The following PHACTR2 variants were observed in gnomAD, a reference collection of about 807,000 sequenced individuals.
The protein encoded by PHACTR2 is chromosome 6 open reading frame 56.
In PHACTR2, 30 loss-of-function variants were observed where a neutral mutation model predicts 76.0. The ratio of observed to expected loss-of-function variants is 0.39; its 90% CI spans 0.30 to 0.54. The LOEUF is 0.54. PHACTR2 is among the 20% of genes least tolerant of loss of function. The pLI, the probability that PHACTR2 is intolerant of heterozygous loss-of-function variation, is 0.61. For synonymous variants in PHACTR2, 292 were observed against 292.5 expected (o/e 1.00, Z 0.02); for missense variants, 696 against 781.1 (o/e 0.89, Z 1.30).
Position 143,811,780 on chromosome 6 carries a change from G to T in PHACTR2, c.1922+4647G>T, listed in dbSNP as rs181779442. On this transcript the variant is annotated intron_variant, in intron 12 of 12. Transcript: ENST00000440869. This position sits in a 1 kb window ranked among gnomAD's most constrained non-coding sequence, Gnocchi z 4.1. Reference sequence around the variant, plus strand: ...GCTTATGATTTTCAAGCTGTTTTCAGTAATTCTTTTAAGGGGAAAAAGTTC... The same window carrying T: ...GCTTATGATTTTCAAGCTGTTTTCATTAATTCTTTTAAGGGGAAAAAGTTC... Among the ~76,000 whole-genome samples, 7 of 152,030 alleles carry T rather than the reference G, an allele frequency of 4.6e-5. No individual in the cohort carries two copies. Among genetic ancestry groups the T allele is most frequent in the Admixed American group, 1.3e-4 (2 of 15,270 alleles).
rs1775913301 is a variant in PHACTR2 at position 143,608,292 on chromosome 6, CCTCGCCA to C, written c.-14_-8del. 2 of 1,614,064 alleles carry C rather than the reference CCTCGCCA, an allele frequency of 1.2e-6. No individual in the cohort carries two copies. The highest frequency in any genetic ancestry group is 1.7e-6 in the Non-Finnish European group (2 of 1,179,942). On this transcript the variant is annotated 5_prime_UTR_variant, in exon 1 of 12. Transcript: ENST00000305766. The surrounding 1 kb of genome is among the most constrained non-coding windows in gnomAD (Gnocchi z 4.6). ...CCCGGCTGCCAGGCTACAGAACTCG[CCTCGCCA>C]CTCCTGAGACATGGACAACGCCGGT...
In PHACTR2 at chr6:143,707,176, C is replaced by CA. The variant is rs34547639; in HGVS notation, c.47-4833dup. On this transcript the variant is annotated intron_variant, in intron 1 of 12. Transcript: ENST00000440869. ...AATATTGTAAAAACATAATAAAGCA[C>CA]AAAAAAATAACAAAGCCTGGAAACC... Among the ~76,000 whole-genome samples the CA allele has an allele frequency of 7.2e-5, 11 of 151,846 alleles. No homozygotes were observed. The East Asian group carries it at 1.5e-3, about 21-fold the overall frequency.
In PHACTR2 at chr6:143,548,282, C is replaced by A. The variant is rs1775039148; in HGVS notation, c.217+11075C>A. 6.7e-6 allele frequency among the ~76,000 whole-genome samples: 1 copy of A among 149,900 alleles called. No individual in the cohort carries two copies. The highest frequency in any genetic ancestry group is 1.5e-5 in the Non-Finnish European group (1 of 66,528). ...TCAATACCTCATCTAATCCTTATTA[C>A]CTCCCAAAGACTCCACCTCATAATA... On this transcript the variant is annotated intron_variant, in intron 1 of 11. Transcript: ENST00000367584. The surrounding 1 kb of genome is among the most constrained non-coding windows in gnomAD (Gnocchi z 4.5).
At chr6:143,756,671 C>T (rs1190060643) in intron 4 of PHACTR2, among the ~76,000 whole-genome samples, 1 of 147,304 alleles carries the variant, frequency 6.8e-6, no homozygotes, top group South Asian at 2.1e-4. Context: ...TGCACTCCAG[C>T]CTGGGCGACA....
In PHACTR2 at chr6:143,553,313, CA is replaced by C. The variant is rs1424570282; in HGVS notation, c.217+16108del. Among the ~76,000 whole-genome samples the C allele has an allele frequency of 4.6e-5, 7 of 152,176 alleles. No individual in the cohort carries two copies. The highest frequency in any genetic ancestry group is 8.8e-5 in the Non-Finnish European group (6 of 68,028). On this transcript the variant is annotated intron_variant, in intron 1 of 11. Coordinates refer to the PHACTR2 transcript ENST00000367584. The surrounding 1 kb of genome is among the most constrained non-coding windows in gnomAD (Gnocchi z 4.2). ...CTATTCAGTGTGAACTGAACAACTTCAATTTGTACAGAAGTGACTGTGCATT... is the reference window on the plus strand; with the variant it reads ...CTATTCAGTGTGAACTGAACAACTTCATTTGTACAGAAGTGACTGTGCATT...
intron 1 of PHACTR2, among the ~76,000 whole-genome samples, chr6:143,569,010 A>G (rs1356795614): frequency 6.6e-6 from 1 of 152,116 alleles, no homozygotes; most frequent in Admixed American, 6.6e-5. Flanking sequence ...CTCGATTCCT[A>G]TTCCCAGATA....
At position 143,785,325 on chromosome 6, in the gene PHACTR2, A is replaced by G. The variant is rs1421024353; in HGVS notation, c.1707+2045A>G. Among the ~76,000 whole-genome samples the G allele has an allele frequency of 1.1e-4, 17 of 152,360 alleles. No homozygotes were observed. The East Asian group carries it at 3.1e-3, about 28-fold the overall frequency. On this transcript the variant is annotated intron_variant, in intron 10 of 12. Transcript: ENST00000440869. ...AGCCAAATTTTAAAGGTCCAAAATT[A>G]TCTCCTTTGAATCCAGGTCTCACAT...
chr6:143,608,431 T>A lies in PHACTR2; in HGVS notation c.13+109T>A. 1 of 1,087,308 alleles carries A rather than the reference T, an allele frequency of 9.2e-7. No homozygotes were observed. 67.4% of individuals were successfully genotyped at this position (1,087,308 alleles called of 1,614,324 possible). On this transcript the variant is annotated intron_variant, in intron 1 of 11. Coordinates refer to the PHACTR2 transcript ENST00000305766. This position sits in a 1 kb window ranked among gnomAD's most constrained non-coding sequence, Gnocchi z 4.6. ...GTTGCTCTCGTTTTGCACTTAAATGTTCAAGACTGAGACGCGTGTAATATG... is the reference window on the plus strand; with the variant it reads ...GTTGCTCTCGTTTTGCACTTAAATGATCAAGACTGAGACGCGTGTAATATG...
At chr6:143,740,630 A>G (rs1163368881) in intron 2 of PHACTR2, among the ~76,000 whole-genome samples, 1 of 152,120 alleles carries the variant, frequency 6.6e-6, no homozygotes, top group East Asian at 1.9e-4. Flanking sequence ...CAAGTCTAAT[A>G]GTTGGGAGGC....
intron 1 of PHACTR2, among the ~76,000 whole-genome samples, chr6:143,540,359 G>A (rs1311423096): frequency 1.3e-5 from 2 of 152,142 alleles, no homozygotes; most frequent in South Asian, 4.1e-4. Flanking sequence ...CCTCCAGAAC[G>A]ACAGACCATC....
rs73778659 is a variant in PHACTR2, at chr6:143,680,652, T to C, written c.46+2443T>C. On this transcript the variant is annotated intron_variant, in intron 1 of 12. Transcript: ENST00000440869. The surrounding 1 kb of genome is among the most constrained non-coding windows in gnomAD (Gnocchi z 4.5). ...GATCCATTATTAAAAAGAACAGCTG[T>C]ATTGATGTATAATTCACATACTATA... 0.018 allele frequency among the ~76,000 whole-genome samples: 2,794 copies of C among 152,236 alleles called. 86 individuals are homozygous for C. Among genetic ancestry groups the C allele is most frequent in the African/African-American group, 0.062 (2,573 of 41,546 alleles).
intron 1 of PHACTR2, among the ~76,000 whole-genome samples, chr6:143,587,289 A>G (rs1190339906): frequency 1.3e-5 from 2 of 152,250 alleles, no homozygotes; most frequent in African/African-American, 4.8e-5. Context: ...CTGTTCAAGA[A>G]CGATGTTAAC....
chr6:143,769,289 T>C (rs1411903266), intron 6 of PHACTR2, among the ~76,000 whole-genome samples: 1 of 152,188 alleles, frequency 6.6e-6, no homozygotes, highest in Non-Finnish European at 1.5e-5. Context: ...TCCAAAAGGC[T>C]ACTTTGTACA....
intron 11 of PHACTR2, among the ~76,000 whole-genome samples, chr6:143,790,754 A>G (rs1166063545): frequency 6.6e-6 from 1 of 151,622 alleles, no homozygotes; most frequent in Non-Finnish European, 1.5e-5. Flanking sequence ...GCTCACTGCA[A>G]GCTCCACCTC....
Position 143,823,883 on chromosome 6 carries a change from A to G in PHACTR2, c.*194A>G. On this transcript the variant is annotated 3_prime_UTR_variant, in exon 13 of 13. Transcript: ENST00000440869. The surrounding 1 kb of genome is among the most constrained non-coding windows in gnomAD (Gnocchi z 5.7). ...CCAGATGGCTCCAACAAGCAAAAGG[A>G]AGGATGCAGTGACTCTTGCTGCCCA... The G allele has an allele frequency of 1.9e-6, 1 of 515,280 alleles. No individual in the cohort carries two copies. Among genetic ancestry groups the G allele is most frequent in the Non-Finnish European group, 3.6e-6 (1 of 281,138 alleles). 31.9% of individuals were successfully genotyped at this position (515,280 alleles called of 1,614,324 possible).
intron 1 of PHACTR2, among the ~76,000 whole-genome samples, chr6:143,685,153 T>C (rs1016909801): frequency 2.6e-5 from 4 of 152,210 alleles, no homozygotes. Context: ...ACTAGGGCTA[T>C]TTCAAAAATG....
chr6:143,765,631 T>A lies in PHACTR2; in HGVS notation c.1065T>A (p.Asp355Glu). The A allele has an allele frequency of 6.2e-7, 1 of 1,614,132 alleles. No homozygotes were observed. The highest frequency in any genetic ancestry group is 8.5e-7 in the Non-Finnish European group (1 of 1,180,000). The change falls in exon 6 of 13, where the codon GAT becomes GAA. Residue 355 changes from aspartate to glutamate, a missense_variant. Around this residue, in one of 2 missense-constraint regions of PHACTR2, gnomAD observed 460 missense variants for 450.9 expected, o/e 1.02. Coordinates refer to ENST00000440869, the MANE Select transcript of PHACTR2 (RefSeq NM_001100164.2). The surrounding 1 kb of genome is among the most constrained non-coding windows in gnomAD (Gnocchi z 4.1). ...TGGCCCCCCCTCTCCCTCTTGAGGA[T>A]CAGTGCATTACTGCCTCAGACACTC... Reference protein sequence around the residue: ...SPLAPPLPLEDQCITASDTPV... With the variant: ...SPLAPPLPLEEQCITASDTPV...
At chr6:143,635,989 C>T (rs765094953) in intron 1 of PHACTR2, among the ~76,000 whole-genome samples, 29 of 152,190 alleles carry the variant, frequency 1.9e-4, no homozygotes, top group South Asian at 4.1e-4. Context: ...GGGCAGATCA[C>T]TTGAGGCCAG....
intron 2 of PHACTR2, among the ~76,000 whole-genome samples, chr6:143,732,135 G>A (rs80257106): frequency 6.6e-6 from 1 of 152,178 alleles, no homozygotes; most frequent in African/African-American, 2.4e-5. Context: ...AAATGGCCTT[G>A]TTGACATATA....
Sources: allele counts gnomAD v4.1 joint callset (sites outside exome capture counted in the v4.1 genomes callset), GRCh38; gene constraint gnomAD v4.1.1; regional missense constraint gnomAD v4.1.1; non-coding constraint Gnocchi (gnomAD v3.1); transcripts MANE v1.5; gene names NCBI Gene and HGNC (gene_info 2026-07-23, HGNC 2026-07-21).